AGBL4: variants seen among roughly 807,000 people sequenced by gnomAD.
The protein encoded by AGBL4 is AGBL carboxypeptidase 4.
Under a neutral mutation model 66.4 loss-of-function variants are expected in AGBL4, and 58 were observed. The observed-to-expected ratio is 0.87, with a 90% CI of 0.71 to 1.09. The LOEUF is 1.09. Among genes scored for constraint, AGBL4 ranks in the 50% least tolerant of loss-of-function variants. The pLI, the probability that AGBL4 is intolerant of heterozygous loss-of-function variation, is 0.00. For missense variants in AGBL4, 579 were observed against 631.0 expected (o/e 0.92, Z 0.88); for synonymous variants, 234 against 222.9 (o/e 1.05, Z -0.44).
chr1:49,111,003 C>CA (rs1210319559), intron 4 of AGBL4, among the ~76,000 whole-genome samples: 2 of 152,072 alleles, frequency 1.3e-5, no homozygotes, highest in Non-Finnish European at 2.9e-5. Flanking sequence ...CTCCTCCCCC[C>CA]AAAAAAGTCT....
chr1:49,886,147 A>G (rs1648013007), intron 1 of AGBL4, among the ~76,000 whole-genome samples: 2 of 152,196 alleles, frequency 1.3e-5, no homozygotes, highest in South Asian at 4.1e-4. Flanking sequence ...ATAGTTAATT[A>G]CATATGCCTT....
At chr1:49,878,413 A>G (rs1647095720) in intron 1 of AGBL4, among the ~76,000 whole-genome samples, 1 of 150,910 alleles carries the variant, frequency 6.6e-6, no homozygotes, top group Middle Eastern at 3.2e-3. Flanking sequence ...TCATTTCGTT[A>G]TGTACCCAGT....
chr1:49,138,401 T>G (rs1646054451), intron 4 of AGBL4, among the ~76,000 whole-genome samples: 1 of 151,292 alleles, frequency 6.6e-6, no homozygotes, highest in Non-Finnish European at 1.5e-5. Flanking sequence ...CTTCCTAAAC[T>G]CCTCCCTTTT....
chr1:49,984,948 A>G (rs1005171670), intron 1 of AGBL4, among the ~76,000 whole-genome samples: 14 of 152,230 alleles, frequency 9.2e-5, no homozygotes, highest in Admixed American at 7.9e-4. Flanking sequence ...CCCTGGAAAC[A>G]CCAAGATAGA....
At chr1:49,920,988 G>A (rs554627050) in intron 1 of AGBL4, among the ~76,000 whole-genome samples, 3 of 152,218 alleles carry the variant, frequency 2.0e-5, no homozygotes, top group Admixed American at 6.5e-5. Flanking sequence ...ACTATCGCAA[G>A]GACAGAAAAC....
intron 10 of AGBL4, among the ~76,000 whole-genome samples, chr1:48,588,798 C>CAGAGATGAGA (rs1644865819): frequency 8.8e-6 from 1 of 113,112 alleles, no homozygotes; most frequent in African/African-American, 3.4e-5. Context: ...CATTGAGGAT[C>CAGAGATGAGA]AGAGAAGAGA....
At chr1:49,534,591 A>G (rs1651423043) in intron 3 of AGBL4, among the ~76,000 whole-genome samples, 1 of 152,204 alleles carries the variant, frequency 6.6e-6, no homozygotes, top group South Asian at 2.1e-4. Context: ...AATAGTATAC[A>G]TAGTAGCACT....
rs145664802 is a variant in AGBL4, at chr1:49,963,483, T to A, written c.34+60280A>T. Among the ~76,000 whole-genome samples the A allele has an allele frequency of 6.5e-4, 99 of 152,302 alleles. 2 individuals carry two copies. The East Asian group carries it at 0.017, about 26-fold the overall frequency. On this transcript the variant is annotated intron_variant, in intron 1 of 13. Transcript: ENST00000371839. ...ATTATTTGAACTGCTGCAGTATTCA[T>A]CAGTTAGCTAGCTCCCAACAAAACA...
chr1:49,021,943 TCCCAG>T (rs1038241140), intron 5 of AGBL4, among the ~76,000 whole-genome samples: 7 of 152,142 alleles, frequency 4.6e-5, no homozygotes, highest in Non-Finnish European at 1.5e-5. Context: ...ACAGATAGAC[TCCCAG>T]CCATCTGTTT....
At chr1:49,185,192 G>A (rs1413700216) in intron 4 of AGBL4, among the ~76,000 whole-genome samples, 2 of 152,146 alleles carry the variant, frequency 1.3e-5, no homozygotes, top group African/African-American at 2.4e-5. Context: ...GGAGATGCCC[G>A]TAAGTAAGAC....
chr1:49,007,896 A>G (rs1275891651), intron 5 of AGBL4, among the ~76,000 whole-genome samples: 1 of 151,078 alleles, frequency 6.6e-6, no homozygotes, highest in Non-Finnish European at 1.5e-5. Flanking sequence ...ATGGAAAGGA[A>G]CAACCAGTAC....
chr1:49,697,789 G>T (rs1332147221), intron 2 of AGBL4, among the ~76,000 whole-genome samples: 1 of 152,120 alleles, frequency 6.6e-6, no homozygotes, highest in Non-Finnish European at 1.5e-5. Context: ...AAGTGAGGAT[G>T]ATAATACCTT....
intron 2 of AGBL4, among the ~76,000 whole-genome samples, chr1:49,743,555 A>G (rs1650725743): frequency 6.6e-6 from 1 of 152,186 alleles, no homozygotes; most frequent in African/African-American, 2.4e-5. Flanking sequence ...ATTACTGGGT[A>G]TATACCCAAA....
At chr1:49,992,364 T>C (rs1218689545) in intron 1 of AGBL4, among the ~76,000 whole-genome samples, 4 of 139,460 alleles carry the variant, frequency 2.9e-5, no homozygotes, top group Non-Finnish European at 6.1e-5. Flanking sequence ...AGAGTGAGAC[T>C]CCGTCTCAAA....
At chr1:48,855,482 G>GT (rs1345562943) in intron 6 of AGBL4, among the ~76,000 whole-genome samples, 16 of 152,332 alleles carry the variant, frequency 1.1e-4, no homozygotes, top group African/African-American at 3.8e-4. Flanking sequence ...CCAATGTGAT[G>GT]TTTTTTGTTG....
At chr1:48,580,443 C>T (rs1256078378) in intron 11 of AGBL4, among the ~76,000 whole-genome samples, 1 of 152,200 alleles carries the variant, frequency 6.6e-6, no homozygotes, top group Non-Finnish European at 1.5e-5. Flanking sequence ...AGAAGTGAGC[C>T]AGACCCTAAC....
chr1:48,860,963 AT>A (rs890747809), intron 6 of AGBL4, among the ~76,000 whole-genome samples: 20 of 152,232 alleles, frequency 1.3e-4, no homozygotes, highest in African/African-American at 4.3e-4. Context: ...TGGAACAAAG[AT>A]TTTAAAATAA....
chr1:49,797,663 T>C (rs1644762883), intron 2 of AGBL4, among the ~76,000 whole-genome samples: 1 of 152,162 alleles, frequency 6.6e-6, no homozygotes, highest in Admixed American at 6.6e-5. Context: ...TATACTGGTC[T>C]TGAAACACTG....
intron 6 of AGBL4, among the ~76,000 whole-genome samples, chr1:48,858,661 G>T (rs987455692): frequency 4.6e-5 from 7 of 152,158 alleles, no homozygotes; most frequent in Non-Finnish European, 8.8e-5. Context: ...AACAGCGGTT[G>T]CCAGGGGTCA....
Sources: allele counts gnomAD v4.1 joint callset (sites outside exome capture counted in the v4.1 genomes callset), GRCh38; gene constraint gnomAD v4.1.1; transcripts MANE v1.5; gene names NCBI Gene and HGNC (gene_info 2026-07-23, HGNC 2026-07-21).